The following SCARA5 variants were observed in gnomAD, a reference collection of about 807,000 sequenced individuals.
The protein encoded by SCARA5 is scavenger receptor class A, member 5 (putative).
Under a neutral mutation model 46.3 loss-of-function variants are expected in SCARA5, and 45 were observed. The observed-to-expected ratio is 0.97, with a 90% CI of 0.76 to 1.24. The LOEUF (loss-of-function observed/expected upper bound fraction) is 1.24, where lower values mean the gene tolerates loss of function less well. SCARA5 is among the 50% of genes most tolerant of loss of function. The pLI, the probability that SCARA5 is intolerant of heterozygous loss-of-function variation, is 0.00. For synonymous variants in SCARA5, 333 were observed against 306.5 expected, an observed-to-expected ratio of 1.09 and a Z score of -0.90; for missense variants, 680 against 689.0, an observed-to-expected ratio of 0.99 and a Z score of 0.15.
At chr8:27,923,404 A>G (rs1292786541) in intron 3 of SCARA5, among the ~76,000 whole-genome samples, 1 of 152,196 alleles carries the variant, frequency 6.6e-6, no homozygotes, top group East Asian at 1.9e-4. Context: ...ACTGACGTGA[A>G]ATTATCAAGC....
chr8:27,911,305 C>T (rs939180264), intron 4 of SCARA5, among the ~76,000 whole-genome samples: 1 of 152,214 alleles, frequency 6.6e-6, no homozygotes, highest in African/African-American at 2.4e-5. Context: ...AAATTGCCAG[C>T]TTCCTGAGAC....
chr8:27,962,276 C>T (rs1808305367), intron 3 of SCARA5, among the ~76,000 whole-genome samples: 1 of 152,162 alleles, frequency 6.6e-6, no homozygotes, highest in Non-Finnish European at 1.5e-5. Context: ...TGTTAATTAC[C>T]TCCTTGAAAG....
intron 3 of SCARA5, among the ~76,000 whole-genome samples, chr8:27,936,441 T>C (rs1807858455): frequency 1.3e-5 from 2 of 150,902 alleles, no homozygotes; most frequent in South Asian, 4.2e-4. Context: ...ATACAAAAAT[T>C]AGCCAGGCGT....
At chr8:27,938,149 C>T (rs1306624106) in intron 3 of SCARA5, among the ~76,000 whole-genome samples, 1 of 152,116 alleles carries the variant, frequency 6.6e-6, no homozygotes, top group African/African-American at 2.4e-5. Flanking sequence ...TACAATGAGC[C>T]CAGGCCATGG....
At chr8:27,951,338 G>T (rs1585509497) in intron 3 of SCARA5, among the ~76,000 whole-genome samples, 1 of 152,200 alleles carries the variant, frequency 6.6e-6, no homozygotes, top group African/African-American at 2.4e-5. Flanking sequence ...CACTCCCAAG[G>T]TCCAAAAACT....
chr8:27,922,436 G>C (rs1807614423), intron 3 of SCARA5, among the ~76,000 whole-genome samples, 191 bp from the exon 4 acceptor site: 1 of 152,190 alleles, frequency 6.6e-6, no homozygotes, highest in African/African-American at 2.4e-5. Flanking sequence ...CCCCAAACCT[G>C]CCTGCACATT....
chr8:27,985,825 C>T (rs1808697421), intron 2 of SCARA5, among the ~76,000 whole-genome samples: 1 of 152,204 alleles, frequency 6.6e-6, no homozygotes, highest in African/African-American at 2.4e-5. Flanking sequence ...CCCAAAGTGC[C>T]CTCTGACAGA....
chr8:27,925,414 C>T (rs547294748), intron 3 of SCARA5, among the ~76,000 whole-genome samples: 1 of 152,124 alleles, frequency 6.6e-6, no homozygotes, highest in Non-Finnish European at 1.5e-5. Context: ...ATAAATGGTG[C>T]TGGGAAAACT....
chr8:27,943,937 T>C (rs1338912985), intron 3 of SCARA5, among the ~76,000 whole-genome samples: 1 of 152,182 alleles, frequency 6.6e-6, no homozygotes, highest in Non-Finnish European at 1.5e-5. Flanking sequence ...TCTGACCAAA[T>C]TTACCTTAAC....
At chr8:27,951,325 G>A (rs1808122938) in intron 3 of SCARA5, among the ~76,000 whole-genome samples, 2 of 152,214 alleles carry the variant, frequency 1.3e-5, no homozygotes, top group Admixed American at 1.3e-4. Flanking sequence ...CCGGAGCTGT[G>A]GTCACTCCCA....
At chr8:27,970,626 G>A (rs1172502062) in intron 2 of SCARA5, among the ~76,000 whole-genome samples, 1 of 152,192 alleles carries the variant, frequency 6.6e-6, no homozygotes, top group Non-Finnish European at 1.5e-5. Context: ...GCCCTGCTCT[G>A]CAGGGAGCAG....
chr8:27,913,058 A>T (rs1429531177), intron 4 of SCARA5, among the ~76,000 whole-genome samples: 1 of 152,188 alleles, frequency 6.6e-6, no homozygotes, highest in Admixed American at 6.5e-5. Context: ...CCTCCTCAGA[A>T]CCATTATAGG....
chr8:27,910,624 G>A (rs538757524), intron 4 of SCARA5, among the ~76,000 whole-genome samples: 2 of 152,318 alleles, frequency 1.3e-5, no homozygotes, highest in South Asian at 4.1e-4. Flanking sequence ...GAGGGAGGCC[G>A]AGGCAGAGCC....
rs375924232 is a variant in SCARA5, at chr8:27,905,758, G to A, written c.1097-924C>T. Among the ~76,000 whole-genome samples the A allele has an allele frequency of 3.4e-4, 51 of 149,250 alleles. No homozygotes were observed. In the East Asian group the frequency reaches 6.1e-3, roughly 18 times the overall value. On this transcript the variant is annotated intron_variant, in intron 6 of 8. Transcript: ENST00000354914. Reference sequence around the variant, plus strand: ...CTCACTCTGTCACCCAGGCCCAGGCGGGAGTGCAGTGGTGCAATCTTAGCT... The same window carrying A: ...CTCACTCTGTCACCCAGGCCCAGGCAGGAGTGCAGTGGTGCAATCTTAGCT...
intron 3 of SCARA5, among the ~76,000 whole-genome samples, chr8:27,946,437 T>C (rs1350567640): frequency 6.6e-6 from 1 of 152,238 alleles, no homozygotes; most frequent in Non-Finnish European, 1.5e-5. Context: ...CTCCTGTATT[T>C]GCTGGTTTCA....
At position 27,922,500 on chromosome 8, in the gene SCARA5, G is replaced by A. The variant is rs187470599; in HGVS notation, c.242-255C>T. Among the ~76,000 whole-genome samples, 105 of 152,244 alleles carry A rather than the reference G, an allele frequency of 6.9e-4. 1 individual carries two copies. Among genetic ancestry groups the A allele is most frequent in the Non-Finnish European group, 1.2e-3 (80 of 68,020 alleles). On this transcript the variant is annotated intron_variant, in intron 3 of 8. Coordinates refer to ENST00000354914, the MANE Select transcript of SCARA5 (RefSeq NM_173833.6). ...AGAAATTGTGATTGAATTGGTATGC[G>A]GTGTTACCTGGGCTTTGGAATTTTT...
intron 7 of SCARA5, among the ~76,000 whole-genome samples, chr8:27,883,286 C>G (rs1464070562): frequency 6.6e-6 from 1 of 152,204 alleles, no homozygotes; most frequent in Non-Finnish European, 1.5e-5. Flanking sequence ...ATCACAAAGC[C>G]AGGGTTTGGC....
chr8:27,939,368 G>A (rs1420981029), intron 3 of SCARA5, among the ~76,000 whole-genome samples: 1 of 152,188 alleles, frequency 6.6e-6, no homozygotes, highest in Non-Finnish European at 1.5e-5. Context: ...TTCACGTGGT[G>A]TGGACAACCT....
intron 4 of SCARA5, among the ~76,000 whole-genome samples, chr8:27,917,052 C>T (rs942748778): frequency 5.3e-5 from 8 of 152,124 alleles, no homozygotes; most frequent in Admixed American, 1.3e-4. Flanking sequence ...AAGCTGGTCC[C>T]GAACAGGGCC....
Sources: gnomAD v4.1 joint callset for allele counts (sites outside exome capture counted in the v4.1 genomes callset) on GRCh38, gnomAD v4.1.1 for gene constraint, MANE v1.5 for transcripts, NCBI Gene and HGNC (gene_info 2026-07-23, HGNC 2026-07-21) for gene names.